DST: variants seen among roughly 807,000 people sequenced by gnomAD.
The protein encoded by DST is dystonin.
Under a neutral mutation model 875.2 loss-of-function variants are expected in DST, and 253 were observed. That is an observed-to-expected ratio of 0.29 (90% CI 0.26 to 0.32). The LOEUF (loss-of-function observed/expected upper bound fraction) is 0.32. Ranked by LOEUF, DST falls within the 10% of genes least tolerant of loss-of-function variation. The probability of loss-of-function intolerance (pLI) is 1.00; values close to 1 mark genes in which losing one functional copy is unlikely to be tolerated. For missense variants in DST, 8,287 were observed against 9,111.6 expected (o/e 0.91, Z 3.68); for synonymous variants, 3,124 against 3,197.1 (o/e 0.98, Z 0.77).
At chr6:56,902,668 C>T (rs1349100649) in intron 2 of DST, among the ~76,000 whole-genome samples, 1 of 152,182 alleles carries the variant, frequency 6.6e-6, no homozygotes, top group Non-Finnish European at 1.5e-5. Flanking sequence ...GTTCCCATCC[C>T]GCCCCTGCGT....
intron 3 of DST, among the ~76,000 whole-genome samples, chr6:56,860,274 A>G (rs1338646914): frequency 6.6e-6 from 1 of 152,164 alleles, no homozygotes; most frequent in Non-Finnish European, 1.5e-5. Context: ...TTCAGAGAGT[A>G]AAGGAAAAGG....
At chr6:56,472,288 CT>C in intron 93 of DST, 66 bp from the exon 94 acceptor site, 1 of 1,476,064 alleles carries the variant, frequency 6.8e-7, no homozygotes, top group Non-Finnish European at 9.2e-7. Flanking sequence ...AAGGCTTGAC[CT>C]TTTTTGCTTC....
chr6:56,809,624 G>T (rs1487491091), intron 4 of DST, among the ~76,000 whole-genome samples: 1 of 152,140 alleles, frequency 6.6e-6, no homozygotes, highest in Non-Finnish European at 1.5e-5. Context: ...GCTGATGCCT[G>T]CACACATTTA....
intron 42 of DST, 75 bp downstream of exon 42, chr6:56,603,130 T>C (rs1586309638): frequency 6.5e-7 from 1 of 1,542,534 alleles, no homozygotes; most frequent in East Asian, 2.3e-5. Context: ...AAAACTAAAA[T>C]ACTCCAGCTT....
At chr6:56,527,792 T>G in intron 67 of DST, 58 bp from the exon 68 acceptor site, 1 of 1,520,530 alleles carries the variant, frequency 6.6e-7, no homozygotes, top group Non-Finnish European at 8.8e-7. Flanking sequence ...GGGAGAGGGT[T>G]TCTTCAGATA....
In DST at chr6:56,508,882, G is replaced by A. The variant is rs1349441629; in HGVS notation, c.19013-127C>T. 3 of 692,940 alleles carry A rather than the reference G, an allele frequency of 4.3e-6. No individual in the cohort carries two copies. In the African/African-American group the frequency reaches 5.4e-5, roughly 12 times the overall value. 42.9% of individuals were successfully genotyped at this position (692,940 alleles called of 1,614,324 possible). On this transcript the variant is annotated intron_variant, in intron 74 of 103. Coordinates refer to ENST00000680361, the MANE Select transcript of DST (RefSeq NM_001374736.1). ...AGTATCTAAAACTGGACCAAGTTTT[G>A]AATGACCCCAGTCCAGTGGATATCA...
chr6:56,774,367 C>T lies in DST; in HGVS notation c.626-39078G>A, dbSNP rs561668690. ...CCACAATATTCCAGCCAACTTGCCC[C>T]ATCCATGCCCTACCCATAGCTTAAA... On this transcript the variant is annotated intron_variant, in intron 4 of 103. Coordinates refer to ENST00000680361, the MANE Select transcript of DST (RefSeq NM_001374736.1). Among the ~76,000 whole-genome samples the T allele has an allele frequency of 6.6e-5, 10 of 152,258 alleles. No individual in the cohort carries two copies. In the South Asian group the frequency reaches 1.9e-3, roughly 28 times the overall value.
At chr6:56,471,046 A>G in intron 95 of DST, 60 bp downstream of exon 95, 1 of 1,514,204 alleles carries the variant, frequency 6.6e-7, no homozygotes. Context: ...CCACACTTTT[A>G]AAATGTGCTT....
At chr6:56,946,706 G>A (rs112792926) in intron 2 of DST, among the ~76,000 whole-genome samples, 113 of 152,290 alleles carry the variant, frequency 7.4e-4, no homozygotes, top group African/African-American at 2.5e-3. Flanking sequence ...AGTTTAAGGA[G>A]CTATTACTTG....
At chr6:56,788,934 T>A (rs2099710439) in intron 4 of DST, among the ~76,000 whole-genome samples, 1 of 152,238 alleles carries the variant, frequency 6.6e-6, no homozygotes, top group Admixed American at 6.5e-5. Context: ...AGAGTCAACA[T>A]GAATCTGTAC....
intron 22 of DST, 26 bp from the exon 23 acceptor site, chr6:56,636,678 AACTG>A (rs768127053): frequency 3.8e-6 from 6 of 1,582,588 alleles, no homozygotes; most frequent in Admixed American, 1.7e-5. Context: ...GAGCCATCAT[AACTG>A]ACTGGGGAGA....
chr6:56,617,904 A>C, intron 36 of DST: 1 of 1,243,398 alleles, frequency 8.0e-7, no homozygotes, highest in African/African-American at 1.5e-5. Flanking sequence ...ATTGTTTTAA[A>C]AATTTAGTCT....
At chr6:56,624,681 A>C (rs2098718324) in intron 35 of DST, 53 bp from the exon 36 acceptor site, 3 of 1,198,540 alleles carry the variant, frequency 2.5e-6, no homozygotes, top group Admixed American at 1.7e-5. Flanking sequence ...ACTCTTACTA[A>C]GTTGAATGAA....
intron 75 of DST, among the ~76,000 whole-genome samples, chr6:56,507,092 G>C (rs1321374325): frequency 6.6e-6 from 1 of 152,104 alleles, no homozygotes; most frequent in Non-Finnish European, 1.5e-5. Context: ...GGCTTAGAAA[G>C]ACATTTTGGT....
intron 15 of DST, among the ~76,000 whole-genome samples, chr6:56,643,836 G>A (rs552459546): frequency 2.0e-5 from 3 of 152,298 alleles, no homozygotes; most frequent in Non-Finnish European, 2.9e-5. Flanking sequence ...TATAGTGAGT[G>A]AACAGAATAG....
Position 56,631,284 on chromosome 6 carries a change from G to A in DST, c.4069C>T (p.Leu1357=). 1.9e-6 allele frequency: 3 copies of A among 1,613,952 alleles called. No individual in the cohort carries two copies. Among genetic ancestry groups the A allele is most frequent in the South Asian group, 1.1e-5 (1 of 91,060 alleles). Residue 1357 remains leucine, a synonymous_variant, in exon 30 of 104, where the codon CTA becomes TTA. Transcript: ENST00000680361. The part of the protein sequence containing the change: ...QAAASSSVPT[L]RSELNVVLQN... ...AGGACCACATTAAGCTCTGATCGTA[G>A]GGTAGGGACTGATGAAGAGGCTGCT...
At position 56,517,630 on chromosome 6, in the gene DST, A is replaced by C. The variant is rs1053366563; in HGVS notation, c.18130-10T>G. ...CAGCTGCTTGGTCAAACTAAACAAA[A>C]GATAAATAATTAGGTCAGCACGTTC... is the stretch of plus-strand genomic sequence containing the variant. On this transcript the variant is annotated splice_polypyrimidine_tract_variant and intron_variant, in intron 69 of 103. Coordinates refer to ENST00000680361, the MANE Select transcript of DST (RefSeq NM_001374736.1). 3 of 1,610,924 alleles carry C rather than the reference A, an allele frequency of 1.9e-6. No homozygotes were observed. The highest frequency in any genetic ancestry group is 1.7e-4 in the Middle Eastern group (1 of 6,050).
intron 4 of DST, among the ~76,000 whole-genome samples, chr6:56,807,314 C>A (rs1018552121): frequency 3.3e-5 from 5 of 152,230 alleles, no homozygotes; most frequent in African/African-American, 1.2e-4. Flanking sequence ...GTGTGAGCCA[C>A]TGCATCCAGC....
rs944710678 is a variant in DST at position 56,916,996 on chromosome 6, AAAAAAAAAAAAAAAAAAAAAAG to A, written c.217-16397_217-16376del. 5.2e-4 allele frequency among the ~76,000 whole-genome samples: 69 copies of A among 131,906 alleles called. 1 individual carries two copies. The highest frequency in any genetic ancestry group is 2.0e-3 in the African/African-American group (69 of 34,078). The allele number at this position is 131,906 out of a possible 152,430, so 86.5% of individuals were successfully genotyped here. ...CAAGCCCCAGGCATGCTAAAAAAAA[AAAAAAAAAAAAAAAAAAAAAAG>A]ACAGGCAGAGGCTCCTAACACACAC... is the stretch of plus-strand genomic sequence containing the variant. On this transcript the variant is annotated intron_variant, in intron 2 of 103. Transcript: ENST00000680361.
Sources: allele counts gnomAD v4.1 joint callset (sites outside exome capture counted in the v4.1 genomes callset), GRCh38; gene constraint gnomAD v4.1.1; transcripts MANE v1.5; gene names NCBI Gene and HGNC (gene_info 2026-07-23, HGNC 2026-07-21).